XPR1: variants seen among roughly 807,000 people sequenced by gnomAD.
XPR1 encodes the protein solute carrier family 53 member 1.
Under a neutral mutation model 87.5 loss-of-function variants are expected in XPR1, and 28 were observed. The observed-to-expected ratio is 0.32, with a 90% CI of 0.24 to 0.44. XPR1 has a LOEUF of 0.44. XPR1 is among the 20% of genes least tolerant of loss of function. The pLI is 1.00. For synonymous variants in XPR1, 300 were observed against 306.1 expected, an observed-to-expected ratio of 0.98 and a Z score of 0.21; for missense variants, 559 against 862.3, an observed-to-expected ratio of 0.65 and a Z score of 4.41.
intron 2 of XPR1, among the ~76,000 whole-genome samples, chr1:180,736,090 G>C (rs1571781403): frequency 6.6e-6 from 1 of 152,194 alleles, no homozygotes; most frequent in African/African-American, 2.4e-5. Context: ...AGAAGAAATA[G>C]AGTGCTATAG....
intron 11 of XPR1, among the ~76,000 whole-genome samples, chr1:180,853,791 GTTT>G (rs374408714): frequency 2.6e-4 from 28 of 109,402 alleles, no homozygotes; most frequent in African/African-American, 4.8e-4. Flanking sequence ...CATTCATGTG[GTTT>G]TTTTTTTTTT....
rs1160660449 is a variant in XPR1, at chr1:180,889,179, G to C, written c.*5113G>C. The C allele has an allele frequency of 1.3e-5, 2 of 152,180 alleles. No homozygotes were observed. The highest frequency in any genetic ancestry group is 2.9e-5 in the Non-Finnish European group (2 of 68,024). 9.4% of individuals were successfully genotyped at this position (152,180 alleles called of 1,614,324 possible). Reference sequence around the variant, plus strand: ...CTTTGCAACTGAAGTATGTTTCCTTGTAGCAAACCTTTGGTTTATTTTATC... The same window carrying C: ...CTTTGCAACTGAAGTATGTTTCCTTCTAGCAAACCTTTGGTTTATTTTATC... On this transcript the variant is annotated 3_prime_UTR_variant, in exon 15 of 15. Coordinates refer to ENST00000367590, the MANE Select transcript of XPR1 (RefSeq NM_004736.4).
At chr1:180,787,943 A>G in intron 3 of XPR1, 89 bp downstream of exon 3, 1 of 1,018,070 alleles carries the variant, frequency 9.8e-7, no homozygotes, top group Admixed American at 2.2e-5. Flanking sequence ...ATGTTTTTAA[A>G]TTGAGTCTTG....
chr1:180,859,765 A>G (rs535388254), intron 11 of XPR1, among the ~76,000 whole-genome samples: 1 of 152,308 alleles, frequency 6.6e-6, no homozygotes, highest in East Asian at 1.9e-4. Flanking sequence ...TAGAAATTGC[A>G]TAGAAATGAT....
intron 2 of XPR1, among the ~76,000 whole-genome samples, chr1:180,729,110 TGTTA>T (rs1454840986): frequency 6.6e-6 from 1 of 152,174 alleles, no homozygotes; most frequent in Non-Finnish European, 1.5e-5. Flanking sequence ...TTTGTTCCTG[TGTTA>T]GTTTGCTTAG....
intron 2 of XPR1, among the ~76,000 whole-genome samples, chr1:180,750,628 C>A (rs921487656): frequency 1.3e-5 from 2 of 152,036 alleles, no homozygotes; most frequent in African/African-American, 4.8e-5. Flanking sequence ...GCAGGTGCAA[C>A]ATTTGTCTTC....
chr1:180,793,789 G>A (rs929327520), intron 3 of XPR1, among the ~76,000 whole-genome samples: 1 of 151,976 alleles, frequency 6.6e-6, no homozygotes, highest in African/African-American at 2.4e-5. Context: ...TTAAAAAAAA[G>A]TGTTTTATAA....
intron 1 of XPR1, among the ~76,000 whole-genome samples, chr1:180,662,123 T>C (rs944446776): frequency 1.3e-5 from 2 of 152,192 alleles, no homozygotes; most frequent in African/African-American, 4.8e-5. Context: ...CACACCACAA[T>C]AACAGTGTTA....
chr1:180,856,305 T>TAA (rs755610174), intron 11 of XPR1, among the ~76,000 whole-genome samples: 1 of 146,886 alleles, frequency 6.8e-6, no homozygotes, highest in Non-Finnish European at 1.5e-5. Flanking sequence ...TCTTTGGTAT[T>TAA]AAAAAAAAAA....
intron 1 of XPR1, among the ~76,000 whole-genome samples, chr1:180,667,343 T>C (rs1019711727): frequency 1.3e-5 from 2 of 152,230 alleles, no homozygotes; most frequent in Non-Finnish European, 2.9e-5. Flanking sequence ...TCAATTCAAG[T>C]GATCATGTGA....
chr1:180,724,344 C>CT (rs1658268450), intron 2 of XPR1, among the ~76,000 whole-genome samples: 1 of 152,062 alleles, frequency 6.6e-6, no homozygotes. Context: ...ATAAAATTCA[C>CT]TTTAATTTTA....
At chr1:180,698,585 G>A (rs1408998165) in intron 2 of XPR1, among the ~76,000 whole-genome samples, 1 of 152,036 alleles carries the variant, frequency 6.6e-6, no homozygotes, top group Non-Finnish European at 1.5e-5. Flanking sequence ...TCATTTTTGT[G>A]TATCTGCTGT....
intron 1 of XPR1, among the ~76,000 whole-genome samples, chr1:180,639,881 GC>G (rs1183193157): frequency 6.6e-6 from 1 of 152,162 alleles, no homozygotes; most frequent in African/African-American, 2.4e-5. Flanking sequence ...TCTGGTATCT[GC>G]CCTACAGCAA....
intron 3 of XPR1, among the ~76,000 whole-genome samples, chr1:180,790,520 C>T (rs1649331212): frequency 1.3e-5 from 2 of 152,118 alleles, no homozygotes; most frequent in African/African-American, 4.8e-5. Context: ...ATACAGGCAC[C>T]TAGAAGACAG....
intron 2 of XPR1, among the ~76,000 whole-genome samples, chr1:180,688,402 A>G (rs1475845692): frequency 6.6e-6 from 1 of 151,918 alleles, no homozygotes; most frequent in Non-Finnish European, 1.5e-5. Flanking sequence ...TGATTTTTTA[A>G]ATAATGCATA....
chr1:180,836,698 C>G lies in XPR1; in HGVS notation c.1483C>G (p.Leu495Val). The G allele has an allele frequency of 6.2e-7, 1 of 1,613,942 alleles. No homozygotes were observed. Among genetic ancestry groups the G allele is most frequent in the Non-Finnish European group, 8.5e-7 (1 of 1,180,034 alleles). ...TTFFMVTFAA[L>V]YSTHKERGHS... ...TTTCTTCATGGTGACGTTTGCAGCC[C>G]TTTACAGCACTCACAAAGGTATTCT... Residue 495 changes from leucine to valine, a missense_variant, in exon 11 of 15, where the codon CTT becomes GTT. Around this residue, in one of 7 missense-constraint regions of XPR1, gnomAD observed 264 missense variants for 377.2 expected, o/e 0.70. Transcript: ENST00000367590.
At chr1:180,774,914 G>C (rs1365281318) in intron 2 of XPR1, among the ~76,000 whole-genome samples, 1 of 152,178 alleles carries the variant, frequency 6.6e-6, no homozygotes, top group East Asian at 1.9e-4. Context: ...CCTGATAAAG[G>C]CTTGCCTTCT....
intron 2 of XPR1, among the ~76,000 whole-genome samples, chr1:180,696,754 G>A (rs1035391730): frequency 2.6e-5 from 4 of 152,150 alleles, no homozygotes; most frequent in East Asian, 1.9e-4. Context: ...ATGAGCATAC[G>A]GTTTTTGTTT....
chr1:180,720,232 C>T (rs1658137006), intron 2 of XPR1, among the ~76,000 whole-genome samples: 1 of 152,036 alleles, frequency 6.6e-6, no homozygotes, highest in African/African-American at 2.4e-5. Context: ...AATAATTAAA[C>T]CAAGGCAGAG....
Sources: allele counts gnomAD v4.1 joint callset (sites outside exome capture counted in the v4.1 genomes callset), GRCh38; gene constraint gnomAD v4.1.1; regional missense constraint gnomAD v4.1.1; transcripts MANE v1.5; gene names NCBI Gene and HGNC (gene_info 2026-07-23, HGNC 2026-07-21).